ARL8B: variants seen among roughly 807,000 people sequenced by gnomAD.
ARL8B encodes ARF like GTPase 8B.
Under a neutral mutation model 30.6 loss-of-function variants are expected in ARL8B, and 9 were observed. The ratio of observed to expected loss-of-function variants is 0.29; its 90% CI spans 0.18 to 0.51. The LOEUF (loss-of-function observed/expected upper bound fraction) is 0.51. Among genes scored for constraint, ARL8B ranks in the 20% least tolerant of loss-of-function variants. The pLI is 0.97. For synonymous variants in ARL8B, 74 were observed against 76.0 expected (o/e 0.97, Z 0.14); for missense variants, 130 against 227.2 (o/e 0.57, Z 2.75).
At chr3:5,138,002 T>C (rs527716959) in intron 1 of ARL8B, among the ~76,000 whole-genome samples, 1 of 152,104 alleles carries the variant, frequency 6.6e-6, no homozygotes, top group Non-Finnish European at 1.5e-5. Context: ...GAAACTAAAA[T>C]GAGAGGTTTT....
intron 1 of ARL8B, among the ~76,000 whole-genome samples, chr3:5,149,462 C>T (rs958883577): frequency 2.6e-5 from 4 of 151,978 alleles, no homozygotes; most frequent in South Asian, 2.1e-4. Flanking sequence ...GACACCATCC[C>T]GTGTGTGGTA....
chr3:5,177,765 A>G (rs936500860), intron 6 of ARL8B, among the ~76,000 whole-genome samples: 5 of 152,038 alleles, frequency 3.3e-5, no homozygotes, highest in African/African-American at 7.2e-5. Context: ...TGAATTTCTT[A>G]AATATTTAAA....
Position 5,168,901 on chromosome 3 carries a change from G to A in ARL8B, c.124-1602G>A, listed in dbSNP as rs117370941. Among the ~76,000 whole-genome samples the A allele has an allele frequency of 1.8e-4, 28 of 152,196 alleles. No individual in the cohort carries two copies. In the East Asian group the frequency reaches 4.8e-3, roughly 26 times the overall value. ...ACACTTAATGATATGAAATAAATGA[G>A]CATTATCTCACGTAGATCTCTCCTC... On this transcript the variant is annotated intron_variant, in intron 1 of 6. Coordinates refer to ENST00000256496, the MANE Select transcript of ARL8B (RefSeq NM_018184.3).
chr3:5,175,454 A>C (rs1487177184), intron 6 of ARL8B, among the ~76,000 whole-genome samples: 1 of 152,240 alleles, frequency 6.6e-6, no homozygotes, highest in Non-Finnish European at 1.5e-5. Flanking sequence ...ACTTTACAAA[A>C]ATTAGTCTAC....
intron 1 of ARL8B, among the ~76,000 whole-genome samples, chr3:5,164,553 A>T (rs2054608241): frequency 6.6e-6 from 1 of 152,162 alleles, no homozygotes; most frequent in African/African-American, 2.4e-5. Flanking sequence ...TATTTGTATC[A>T]CCTTACAGCA....
chr3:5,129,495 G>T (rs1043508003), intron 1 of ARL8B, among the ~76,000 whole-genome samples: 1 of 152,132 alleles, frequency 6.6e-6, no homozygotes, highest in African/African-American at 2.4e-5. Context: ...TATATTTTAA[G>T]AAGTTCCTTT....
intron 1 of ARL8B, among the ~76,000 whole-genome samples, chr3:5,124,842 TCCC>T (rs1364172328): frequency 6.6e-6 from 1 of 152,126 alleles, no homozygotes; most frequent in Non-Finnish European, 1.5e-5. Context: ...TTTTCTCATA[TCCC>T]CTTGAGATGA....
rs1201044363 is a variant in ARL8B, at chr3:5,180,246, C to T, written c.*1533C>T. The T allele has an allele frequency of 1.3e-5, 2 of 152,658 alleles. No individual in the cohort carries two copies. Among genetic ancestry groups the T allele is most frequent in the African/African-American group, 4.8e-5 (2 of 41,466 alleles). 9.5% of individuals were successfully genotyped at this position (152,658 alleles called of 1,614,324 possible). A position where few individuals can be genotyped will look rare whatever the true frequency, so the allele number is the denominator to read the frequency against. ...GTACAATATACTGCACTGTGTTGCACAGACACTACTTGCTTTTCTCCATTC... is the reference window on the plus strand; with the variant it reads ...GTACAATATACTGCACTGTGTTGCATAGACACTACTTGCTTTTCTCCATTC... On this transcript the variant is annotated 3_prime_UTR_variant, in exon 7 of 7. Coordinates refer to ENST00000256496, the MANE Select transcript of ARL8B (RefSeq NM_018184.3).
At chr3:5,138,314 A>G (rs2106557157) in intron 1 of ARL8B, among the ~76,000 whole-genome samples, 1 of 152,308 alleles carries the variant, frequency 6.6e-6, no homozygotes, top group East Asian at 1.9e-4. Flanking sequence ...TTTTGTACAA[A>G]TAATGACTCT....
intron 1 of ARL8B, among the ~76,000 whole-genome samples, chr3:5,126,281 C>G (rs951628540): frequency 7.2e-5 from 11 of 152,076 alleles, no homozygotes; most frequent in African/African-American, 2.4e-4. Flanking sequence ...TTTAAAAAAT[C>G]AGCTGCACTT....
At chr3:5,175,111 T>A (rs2054717432) in intron 6 of ARL8B, among the ~76,000 whole-genome samples, 1 of 152,128 alleles carries the variant, frequency 6.6e-6, no homozygotes, top group South Asian at 2.1e-4. Context: ...ATCAAACTCT[T>A]GAACAGCAAA....
At chr3:5,170,370 T>A in intron 1 of ARL8B, 133 bp from the exon 2 acceptor site, 1 of 488,648 alleles carries the variant, frequency 2.0e-6, no homozygotes, top group Non-Finnish European at 3.6e-6. Context: ...AAGGAACATG[T>A]TCTTAAAGTA....
chr3:5,155,866 C>G (rs1482893183), intron 1 of ARL8B, among the ~76,000 whole-genome samples: 1 of 137,582 alleles, frequency 7.3e-6, no homozygotes, highest in African/African-American at 2.9e-5. Context: ...TGTTGTTGTT[C>G]TTTGAGTACC....
chr3:5,138,720 T>TA (rs1463255747), intron 1 of ARL8B, among the ~76,000 whole-genome samples: 1 of 152,152 alleles, frequency 6.6e-6, no homozygotes, highest in Non-Finnish European at 1.5e-5. Context: ...ACTGAATAAA[T>TA]AATGATTTTA....
At chr3:5,139,739 C>T (rs184341427) in intron 1 of ARL8B, among the ~76,000 whole-genome samples, 1 of 152,228 alleles carries the variant, frequency 6.6e-6, no homozygotes, top group African/African-American at 2.4e-5. Flanking sequence ...CTTCATGGCC[C>T]AGAAAAACTC....
chr3:5,163,342 T>C (rs1231097742), intron 1 of ARL8B, among the ~76,000 whole-genome samples: 4 of 152,174 alleles, frequency 2.6e-5, no homozygotes, highest in Admixed American at 6.5e-5. Flanking sequence ...TCTGTATTAA[T>C]ATCGCTGAAT....
intron 1 of ARL8B, among the ~76,000 whole-genome samples, chr3:5,156,391 CT>C (rs201579864): frequency 1.4e-3 from 194 of 136,848 alleles, no homozygotes; most frequent in Non-Finnish European, 1.6e-3. Context: ...AGTTTACTGC[CT>C]TTTTTTTTTT....
intron 1 of ARL8B, among the ~76,000 whole-genome samples, chr3:5,150,656 G>T (rs544998600): frequency 6.6e-6 from 1 of 151,990 alleles, no homozygotes; most frequent in Non-Finnish European, 1.5e-5. Context: ...GGTGGCACAT[G>T]CCTGTAATCC....
In ARL8B at chr3:5,172,233, T is replaced by G. The variant is rs2054682859; in HGVS notation, c.278+10T>G. The G allele has an allele frequency of 6.2e-7, 1 of 1,602,622 alleles. No individual in the cohort carries two copies. ...GAGTCAATGCTATTGTGTAAGTGGT[T>G]TTTTTTTGTTTGTTTGCTTTTAAAT... is the stretch of plus-strand genomic sequence containing the variant. On this transcript the variant is annotated intron_variant, in intron 3 of 6. Coordinates refer to ENST00000256496, the MANE Select transcript of ARL8B (RefSeq NM_018184.3).
Sources: allele counts gnomAD v4.1 joint callset (sites outside exome capture counted in the v4.1 genomes callset), GRCh38; gene constraint gnomAD v4.1.1; transcripts MANE v1.5; gene names NCBI Gene and HGNC (gene_info 2026-07-23, HGNC 2026-07-21).